Variants in CNTN5 observed in about 807,000 individuals in gnomAD.
CNTN5 encodes contactin-5.
Under a neutral mutation model 129.1 loss-of-function variants are expected in CNTN5, and 77 were observed. That is an observed-to-expected ratio of 0.60 (90% CI 0.50 to 0.72). The LOEUF is 0.72. CNTN5 is among the 30% of genes least tolerant of loss of function. The probability of loss-of-function intolerance (pLI) is 0.00; values close to 1 mark genes in which losing one functional copy is unlikely to be tolerated. For synonymous variants in CNTN5, 509 were observed against 465.6 expected, an observed-to-expected ratio of 1.09 and a Z score of -1.20; for missense variants, 1,478 against 1,328.8, an observed-to-expected ratio of 1.11 and a Z score of -1.75.
intron 1 of CNTN5, among the ~76,000 whole-genome samples, chr11:99,142,130 G>A (rs146559053): frequency 2.0e-5 from 3 of 152,244 alleles, no homozygotes; most frequent in African/African-American, 7.2e-5. Context: ...CTGGCAGGCT[G>A]GGACCAGGCC....
intron 2 of CNTN5, among the ~76,000 whole-genome samples, chr11:99,503,318 C>T (rs1465216372): frequency 6.6e-6 from 1 of 152,182 alleles, no homozygotes; most frequent in Non-Finnish European, 1.5e-5. Flanking sequence ...GGTGATCCAT[C>T]TTTATTTATT....
chr11:99,711,926 G>A (rs1016205524), intron 3 of CNTN5, among the ~76,000 whole-genome samples: 6 of 152,114 alleles, frequency 3.9e-5, no homozygotes, highest in South Asian at 2.1e-4. Flanking sequence ...ATTGTGAATC[G>A]TGCTGCAGTA....
chr11:99,977,976 T>A (rs918394109), intron 8 of CNTN5, among the ~76,000 whole-genome samples: 1 of 152,224 alleles, frequency 6.6e-6, no homozygotes, highest in African/African-American at 2.4e-5. Context: ...TGAATTACAG[T>A]CATGTGCTGC....
intron 6 of CNTN5, among the ~76,000 whole-genome samples, chr11:99,905,566 G>C (rs949114870): frequency 1.3e-5 from 2 of 152,110 alleles, no homozygotes; most frequent in African/African-American, 4.8e-5. Context: ...TTTAAAGTAG[G>C]GTAGCATGAT....
intron 3 of CNTN5, among the ~76,000 whole-genome samples, chr11:99,626,379 A>C (rs980048468): frequency 6.6e-6 from 1 of 152,112 alleles, no homozygotes; most frequent in Non-Finnish European, 1.5e-5. Context: ...GACACTTTAA[A>C]GACTGTTTTA....
chr11:99,252,285 T>A (rs1317181791), intron 1 of CNTN5, among the ~76,000 whole-genome samples: 1 of 151,984 alleles, frequency 6.6e-6, no homozygotes, highest in Non-Finnish European at 1.5e-5. Flanking sequence ...CAGGTATCCT[T>A]GAGTTCTGCT....
chr11:99,757,709 T>C (rs904186978), intron 3 of CNTN5, among the ~76,000 whole-genome samples: 2 of 152,074 alleles, frequency 1.3e-5, no homozygotes, highest in Non-Finnish European at 2.9e-5. Flanking sequence ...CAATATCTTA[T>C]GTAAACTTTG....
chr11:99,433,371 A>AATGTGTGTGTGTGTG lies in CNTN5; in HGVS notation c.-71+107887_-71+107888insATGTGTGTGTGTGTG, dbSNP rs1555143805. On this transcript the variant is annotated intron_variant, in intron 2 of 24. Transcript: ENST00000524871. ...TTGTAGTTTATCTGGTAAAAAAAAA[A>AATGTGTGTGTGTGTG]TGTGTGTGTGTGTGTGTGTGTGTGT... Among the ~76,000 whole-genome samples, 263 of 140,896 alleles carry AATGTGTGTGTGTGTG rather than the reference A, an allele frequency of 1.9e-3. 3 individuals are homozygous for AATGTGTGTGTGTGTG. Among genetic ancestry groups the AATGTGTGTGTGTGTG allele is most frequent in the Non-Finnish European group, 1.9e-3 (121 of 65,404 alleles). 92.4% of individuals were successfully genotyped at this position (140,896 alleles called of 152,430 possible).
chr11:99,633,347 A>G lies in CNTN5; in HGVS notation c.55+77078A>G, dbSNP rs145568339. Among the ~76,000 whole-genome samples the G allele has an allele frequency of 3.3e-5, 5 of 152,326 alleles. No individual in the cohort carries two copies. In the East Asian group the frequency reaches 9.6e-4, roughly 29 times the overall value. On this transcript the variant is annotated intron_variant, in intron 3 of 24. Coordinates refer to ENST00000524871, the MANE Select transcript of CNTN5 (RefSeq NM_014361.4). ...GTAATGGCATATTTAGAAATACTGT[A>G]CAATAGAAATATTTCTGCTAATTTT...
At chr11:99,907,777 CT>C (rs1427665390) in intron 6 of CNTN5, among the ~76,000 whole-genome samples, 1 of 151,794 alleles carries the variant, frequency 6.6e-6, no homozygotes, top group African/African-American at 2.4e-5. Context: ...ATAAATCATG[CT>C]AAAATTACAG....
intron 1 of CNTN5, among the ~76,000 whole-genome samples, chr11:99,319,983 T>C (rs745701266): frequency 3.3e-5 from 5 of 152,208 alleles, no homozygotes; most frequent in Non-Finnish European, 5.9e-5. Context: ...AGCATGCCTG[T>C]AATCCCAGCA....
intron 1 of CNTN5, among the ~76,000 whole-genome samples, chr11:99,092,430 A>G (rs1446352461): frequency 6.6e-6 from 1 of 152,116 alleles, no homozygotes; most frequent in Non-Finnish European, 1.5e-5. Flanking sequence ...TACTTAGTTT[A>G]TCACACTTAA....
intron 2 of CNTN5, among the ~76,000 whole-genome samples, chr11:99,520,221 G>A (rs1487412274): frequency 1.3e-4 from 20 of 152,050 alleles, no homozygotes; most frequent in Admixed American, 1.3e-3. Context: ...TAAATATAAA[G>A]TGAGAGTTTC....
intron 2 of CNTN5, among the ~76,000 whole-genome samples, chr11:99,521,312 A>G (rs1368094850): frequency 2.0e-5 from 3 of 152,116 alleles, no homozygotes; most frequent in Non-Finnish European, 4.4e-5. Flanking sequence ...CTTGCTGGAT[A>G]TATGTCTAAC....
At position 99,515,100 on chromosome 11, in the gene CNTN5, A is replaced by G. The variant is rs759837973; in HGVS notation, c.-70-41045A>G. On this transcript the variant is annotated intron_variant, in intron 2 of 24. Coordinates refer to ENST00000524871, the MANE Select transcript of CNTN5 (RefSeq NM_014361.4). ...AAACAGGTCACTGAACAAAAAGGAT[A>G]TTTAAAAAGCTCTACTTAATTTAAA... Among the ~76,000 whole-genome samples the G allele has an allele frequency of 2.0e-5, 3 of 152,074 alleles. No individual in the cohort carries two copies. The South Asian group carries it at 6.2e-4, about 31-fold the overall frequency.
chr11:99,720,165 C>T (rs1241276470), intron 3 of CNTN5, among the ~76,000 whole-genome samples: 2 of 152,120 alleles, frequency 1.3e-5, no homozygotes. Flanking sequence ...CTCCTCCACT[C>T]TATCTATGAG....
At chr11:99,326,729 A>G (rs952070687) in intron 2 of CNTN5, among the ~76,000 whole-genome samples, 1 of 152,162 alleles carries the variant, frequency 6.6e-6, no homozygotes, top group African/African-American at 2.4e-5. Flanking sequence ...AAAAGCAACC[A>G]CATAAAAGAA....
chr11:99,136,224 A>T (rs1011041672), intron 1 of CNTN5, among the ~76,000 whole-genome samples: 1 of 152,094 alleles, frequency 6.6e-6, no homozygotes, highest in Non-Finnish European at 1.5e-5. Flanking sequence ...TATTTCCACA[A>T]GTCCAACTGC....
chr11:99,659,069 A>C (rs1471747497), intron 3 of CNTN5, among the ~76,000 whole-genome samples: 1 of 151,944 alleles, frequency 6.6e-6, no homozygotes, highest in Admixed American at 6.6e-5. Flanking sequence ...ACCTCACCCA[A>C]GCTGGTCAAA....
Sources: allele counts gnomAD v4.1 joint callset (sites outside exome capture counted in the v4.1 genomes callset), GRCh38; gene constraint gnomAD v4.1.1; transcripts MANE v1.5; gene names NCBI Gene and HGNC (gene_info 2026-07-23, HGNC 2026-07-21).